CORIN: variants seen among roughly 807,000 people sequenced by gnomAD.
CORIN encodes corin, serine peptidase, also known as atrial natriuretic peptide-converting enzyme.
In CORIN, 117 loss-of-function variants were observed where a neutral mutation model predicts 125.3. The ratio of observed to expected loss-of-function variants is 0.93; its 90% CI spans 0.80 to 1.09. The LOEUF (loss-of-function observed/expected upper bound fraction) is 1.09, where lower values mean the gene tolerates loss of function less well. Ranked by LOEUF, CORIN falls within the 50% of genes least tolerant of loss-of-function variation. CORIN has a pLI of 0.00. For synonymous variants in CORIN, 450 were observed against 466.4 expected (o/e 0.96, Z 0.45); for missense variants, 1,253 against 1,306.7 (o/e 0.96, Z 0.63).
chr4:47,739,277 CAG>C (rs1226919319), intron 5 of CORIN, among the ~76,000 whole-genome samples: 2 of 151,980 alleles, frequency 1.3e-5, no homozygotes, highest in African/African-American at 2.4e-5. Context: ...AAATCAGACA[CAG>C]AAAATTTTGA....
chr4:47,626,828 TC>T (rs1157429714), intron 16 of CORIN, among the ~76,000 whole-genome samples: 1 of 152,202 alleles, frequency 6.6e-6, no homozygotes, highest in Non-Finnish European at 1.5e-5. Context: ...TAGGTTTTTT[TC>T]CTCCTCTTTT....
chr4:47,616,890 T>C (rs775748504), intron 19 of CORIN, among the ~76,000 whole-genome samples: 2 of 152,140 alleles, frequency 1.3e-5, no homozygotes, highest in African/African-American at 4.8e-5. Context: ...AAATTAATGA[T>C]GCAAAATAAA....
chr4:47,812,969 C>T (rs1732121816), intron 1 of CORIN, among the ~76,000 whole-genome samples: 1 of 152,224 alleles, frequency 6.6e-6, no homozygotes, highest in East Asian at 1.9e-4. Flanking sequence ...TAAATAATAA[C>T]CACAATTGCA....
chr4:47,824,142 T>A (rs1405626805), intron 1 of CORIN, among the ~76,000 whole-genome samples: 2 of 152,072 alleles, frequency 1.3e-5, no homozygotes, highest in Non-Finnish European at 2.9e-5. Flanking sequence ...TACTCCTTTT[T>A]TCTCCTAAAG....
intron 3 of CORIN, among the ~76,000 whole-genome samples, chr4:47,768,320 G>C (rs1729862258): frequency 6.6e-6 from 1 of 152,168 alleles, no homozygotes; most frequent in Non-Finnish European, 1.5e-5. Context: ...GGACTCAAGT[G>C]AAAGAACCAG....
chr4:47,778,587 G>A (rs1438513157), intron 3 of CORIN, among the ~76,000 whole-genome samples: 1 of 152,166 alleles, frequency 6.6e-6, no homozygotes, highest in Non-Finnish European at 1.5e-5. Flanking sequence ...TCTCTCTCTA[G>A]AATTGTGCAA....
At chr4:47,604,154 T>G (rs1721557103) in intron 19 of CORIN, among the ~76,000 whole-genome samples, 1 of 152,254 alleles carries the variant, frequency 6.6e-6, no homozygotes, top group African/African-American at 2.4e-5. Flanking sequence ...TCCACTGTTT[T>G]TGAATACTTG....
At position 47,643,181 on chromosome 4, in the gene CORIN, G is replaced by A; in HGVS notation, c.2033C>T (p.Ala678Val). The change falls in exon 15 of 22, where the codon GCC (alanine) becomes GTC (valine). Residue 678 changes from alanine to valine, a missense_variant. Physicochemically the swap from Ala to Val is moderately conservative, Grantham distance 64. Coordinates refer to ENST00000273857, the MANE Select transcript of CORIN (RefSeq NM_006587.4). ...TTCATCTGAACTGTCTGAGCAGTCG[G>A]CTTCACCATCACACCACAGGTCACG... ...VSRDLWCDGE[A>V]DCSDSSDEWD... 1 of 1,614,060 alleles carries A rather than the reference G, an allele frequency of 6.2e-7. No individual in the cohort carries two copies. Among genetic ancestry groups the A allele is most frequent in the Non-Finnish European group, 8.5e-7 (1 of 1,179,966 alleles).
chr4:47,808,387 C>T (rs767317088), intron 1 of CORIN, among the ~76,000 whole-genome samples: 1 of 152,172 alleles, frequency 6.6e-6, no homozygotes, highest in Non-Finnish European at 1.5e-5. Flanking sequence ...GATTATTTCC[C>T]GTGGATGCAA....
intron 2 of CORIN, among the ~76,000 whole-genome samples, chr4:47,805,898 T>C (rs1731772523): frequency 6.6e-6 from 1 of 152,222 alleles, no homozygotes; most frequent in African/African-American, 2.4e-5. Flanking sequence ...TTTATTTCTC[T>C]GTTTTATTTG....
At chr4:47,639,915 T>G (rs1458378527) in intron 16 of CORIN, among the ~76,000 whole-genome samples, 2 of 152,132 alleles carry the variant, frequency 1.3e-5, no homozygotes, top group East Asian at 3.9e-4. Flanking sequence ...TCAAGTCAAC[T>G]AAAGAGTAAA....
chr4:47,738,166 G>GCAC (rs1728217318), intron 5 of CORIN, among the ~76,000 whole-genome samples: 1 of 152,110 alleles, frequency 6.6e-6, no homozygotes. Context: ...TCCCATGAAT[G>GCAC]TGCAGGACTA....
chr4:47,606,506 G>A (rs972509696), intron 19 of CORIN, among the ~76,000 whole-genome samples: 9 of 152,060 alleles, frequency 5.9e-5, no homozygotes, highest in African/African-American at 1.7e-4. Context: ...CAATCCTCCC[G>A]CCTTGGGCCT....
chr4:47,659,214 A>T (rs1326959938), intron 12 of CORIN, among the ~76,000 whole-genome samples: 1 of 152,216 alleles, frequency 6.6e-6, no homozygotes, highest in Non-Finnish European at 1.5e-5. Context: ...ATTTTTAAGA[A>T]GTTCCAAACT....
At position 47,825,463 on chromosome 4, in the gene CORIN, T is replaced by C. The variant is rs757306666; in HGVS notation, c.63+12424A>G. Among the ~76,000 whole-genome samples, 36 of 152,228 alleles carry C rather than the reference T, an allele frequency of 2.4e-4. 1 individual carries two copies. The highest frequency in any genetic ancestry group is 4.3e-4 in the Non-Finnish European group (29 of 68,046). The stretch of plus-strand genomic sequence containing the variant: ...ACTGACAATGGGACCCAGCGATCCA[T>C]GTTGGATCAGACCCTCCAGGTAATT... On this transcript the variant is annotated intron_variant, in intron 1 of 21. Coordinates refer to ENST00000273857, the MANE Select transcript of CORIN (RefSeq NM_006587.4).
rs182218123 is a variant in CORIN, at chr4:47,777,358, C to T, written c.409+9367G>A. On this transcript the variant is annotated intron_variant, in intron 3 of 21. Transcript: ENST00000273857. ...CTTATTAATTCAAACACTGGCCAGGCGCGGTGGCTCACGTCTGTAATCCCA... is the reference window on the plus strand; with the variant it reads ...CTTATTAATTCAAACACTGGCCAGGTGCGGTGGCTCACGTCTGTAATCCCA... Among the ~76,000 whole-genome samples, 471 of 152,240 alleles carry T rather than the reference C, an allele frequency of 3.1e-3. 3 individuals carry two copies. The highest frequency in any genetic ancestry group is 4.6e-3 in the Non-Finnish European group (311 of 68,000).
intron 10 of CORIN, among the ~76,000 whole-genome samples, chr4:47,665,965 A>G (rs1484258200): frequency 1.3e-5 from 2 of 152,106 alleles, no homozygotes; most frequent in African/African-American, 2.4e-5. Context: ...GACTTTATGC[A>G]CCCTGTTTGC....
chr4:47,701,131 A>G (rs961254371), intron 5 of CORIN, among the ~76,000 whole-genome samples: 1 of 152,232 alleles, frequency 6.6e-6, no homozygotes, highest in Non-Finnish European at 1.5e-5. Context: ...ATTCTAAAAA[A>G]GGCAATGTCA....
chr4:47,648,846 C>A (rs1723607676), intron 13 of CORIN, among the ~76,000 whole-genome samples: 1 of 152,154 alleles, frequency 6.6e-6, no homozygotes, highest in African/African-American at 2.4e-5. Context: ...GTGTCTGCCC[C>A]AGGAAGTGGC....
Sources: gnomAD v4.1 joint callset for allele counts (sites outside exome capture counted in the v4.1 genomes callset) on GRCh38, gnomAD v4.1.1 for gene constraint, MANE v1.5 for transcripts, NCBI Gene and HGNC (gene_info 2026-07-23, HGNC 2026-07-21) for gene names.